Variants in FTO observed in about 807,000 individuals in gnomAD.
The protein encoded by FTO is FTO alpha-ketoglutarate dependent dioxygenase, also known as alpha-ketoglutarate-dependent dioxygenase FTO.
A neutral mutation model predicts 63.9 loss-of-function variants in FTO; 47 were observed. That is an observed-to-expected ratio of 0.74 (90% CI 0.58 to 0.94). FTO has a LOEUF of 0.94. Among genes scored for constraint, FTO ranks in the 40% least tolerant of loss-of-function variants. The pLI is 0.00. For missense variants in FTO, 562 were observed against 618.1 expected (o/e 0.91, Z 0.96); for synonymous variants, 207 against 224.4 (o/e 0.92, Z 0.69).
chr16:54,032,171 C>G (rs769910464), intron 8 of FTO, among the ~76,000 whole-genome samples: 1 of 152,108 alleles, frequency 6.6e-6, no homozygotes, highest in African/African-American at 2.4e-5. Flanking sequence ...AGGGATGTAC[C>G]TAGAGAAAAG....
chr16:53,875,907 T>C (rs2080637161), intron 5 of FTO, among the ~76,000 whole-genome samples: 1 of 152,244 alleles, frequency 6.6e-6, no homozygotes, highest in Non-Finnish European at 1.5e-5. Context: ...CAGGCTGGTC[T>C]TGAACTCCTG....
intron 1 of FTO, among the ~76,000 whole-genome samples, chr16:53,801,500 A>G (rs963671260): frequency 1.4e-4 from 21 of 152,028 alleles, no homozygotes; most frequent in African/African-American, 5.1e-4. Flanking sequence ...TATATTTCCC[A>G]TATAGTTACC....
chr16:53,979,345 T>A (rs1175296384), intron 8 of FTO: 7 of 398,372 alleles, frequency 1.8e-5, no homozygotes, highest in Non-Finnish European at 2.7e-5. Context: ...GATGTTTGAA[T>A]AAAATATTGC....
intron 4 of FTO, among the ~76,000 whole-genome samples, chr16:53,846,076 C>A (rs574249787): frequency 6.6e-6 from 1 of 152,030 alleles, no homozygotes; most frequent in African/African-American, 2.4e-5. Context: ...TTTAAGTGAT[C>A]TTCCTAAAGT....
At chr16:53,995,283 A>G (rs1251319061) in intron 8 of FTO, among the ~76,000 whole-genome samples, 1 of 152,264 alleles carries the variant, frequency 6.6e-6, no homozygotes, top group Non-Finnish European at 1.5e-5. Context: ...AGGGAGATGC[A>G]TAGTAACTAG....
intron 7 of FTO, among the ~76,000 whole-genome samples, chr16:53,929,244 G>A (rs940104843): frequency 1.3e-4 from 20 of 152,252 alleles, no homozygotes; most frequent in African/African-American, 4.6e-4. Context: ...TTGCCCAACC[G>A]AATCCCTAGC....
intron 4 of FTO, among the ~76,000 whole-genome samples, chr16:53,855,884 G>T (rs1218713208): frequency 1.3e-5 from 2 of 152,004 alleles, no homozygotes. Context: ...TAATGTGTTG[G>T]TTTCTTTTAG....
At chr16:53,881,122 A>AAAATAAATAAATAAATAAAT (rs60470419) in intron 6 of FTO, among the ~76,000 whole-genome samples, 8,297 of 145,366 alleles carry the variant, frequency 0.057, 462 homozygotes, top group African/African-American at 0.14. Flanking sequence ...ACTCCGTCTC[A>AAAATAAATAAATAAATAAAT]AAATAAATAA....
chr16:53,804,632 C>A (rs190365882), intron 1 of FTO, among the ~76,000 whole-genome samples: 3 of 130,156 alleles, frequency 2.3e-5, no homozygotes, highest in African/African-American at 6.0e-5. Context: ...TCTTATTGAT[C>A]TTTTTTTTTT....
At chr16:54,054,314 T>C (rs1439339304) in intron 8 of FTO, among the ~76,000 whole-genome samples, 1 of 152,098 alleles carries the variant, frequency 6.6e-6, no homozygotes, top group African/African-American at 2.4e-5. Flanking sequence ...TCAATTCAAC[T>C]AGAAACTGTA....
chr16:53,834,647 T>G (rs949601295), intron 3 of FTO, among the ~76,000 whole-genome samples: 8 of 152,162 alleles, frequency 5.3e-5, no homozygotes, highest in African/African-American at 1.9e-4. Flanking sequence ...TTTATCAAAA[T>G]TATTCATTCA....
At chr16:53,770,869 A>T (rs1168011247) in intron 1 of FTO, among the ~76,000 whole-genome samples, 1 of 152,066 alleles carries the variant, frequency 6.6e-6, no homozygotes, top group Non-Finnish European at 1.5e-5. Context: ...AAATTCTTCT[A>T]TTCTCCTAAC....
intron 1 of FTO, among the ~76,000 whole-genome samples, chr16:53,802,603 A>C (rs948298719): frequency 1.4e-4 from 22 of 152,180 alleles, no homozygotes; most frequent in African/African-American, 5.1e-4. Flanking sequence ...GTTTTCATCA[A>C]ATTTGGAAAA....
At chr16:53,968,934 T>C (rs2083256116) in intron 8 of FTO, among the ~76,000 whole-genome samples, 1 of 152,240 alleles carries the variant, frequency 6.6e-6, no homozygotes, top group African/African-American at 2.4e-5. Flanking sequence ...TAGTACTGTT[T>C]GGCTCAGAGG....
chr16:53,987,409 C>G (rs2083693907), intron 8 of FTO, among the ~76,000 whole-genome samples: 1 of 151,720 alleles, frequency 6.6e-6, no homozygotes, highest in South Asian at 2.1e-4. Context: ...GGAAAAACCC[C>G]ATCTCTACTA....
chr16:53,730,482 T>C (rs533110923), intron 1 of FTO, among the ~76,000 whole-genome samples: 1 of 151,996 alleles, frequency 6.6e-6, no homozygotes, highest in African/African-American at 2.4e-5. Flanking sequence ...TTTTTTGTAG[T>C]TTTCATTATT....
chr16:54,032,952 C>T (rs1483518341), intron 8 of FTO, among the ~76,000 whole-genome samples: 1 of 151,750 alleles, frequency 6.6e-6, no homozygotes, highest in African/African-American at 2.4e-5. Flanking sequence ...GACATAACCG[C>T]TCCTGCTTCA....
intron 8 of FTO, among the ~76,000 whole-genome samples, chr16:54,020,694 GAGTGTGGTGGCTC>G (rs1337294740): frequency 6.6e-6 from 1 of 152,156 alleles, no homozygotes; most frequent in Admixed American, 6.5e-5. Context: ...TAGGTTGGTT[GAGTGTGGTGGCTC>G]ATGCCTGTAA....
intron 1 of FTO, among the ~76,000 whole-genome samples, chr16:53,728,728 T>C (rs1286293691): frequency 6.6e-6 from 1 of 151,170 alleles, no homozygotes; most frequent in Non-Finnish European, 1.5e-5. Flanking sequence ...CCTGGGAAGA[T>C]GGGGACAGTC....
Sources: gnomAD v4.1 joint callset for allele counts (sites outside exome capture counted in the v4.1 genomes callset) on GRCh38, gnomAD v4.1.1 for gene constraint, MANE v1.5 for transcripts, NCBI Gene and HGNC (gene_info 2026-07-23, HGNC 2026-07-21) for gene names.